The following HNRNPH1 variants were observed in gnomAD, a reference collection of about 807,000 sequenced individuals.
HNRNPH1 encodes heterogeneous nuclear ribonucleoprotein H1.
In HNRNPH1, 4 loss-of-function variants were observed where a neutral mutation model predicts 58.6. That is an observed-to-expected ratio of 0.07 (90% CI 0.03 to 0.16). HNRNPH1 has a LOEUF of 0.16. Among genes scored for constraint, HNRNPH1 ranks in the 10% least tolerant of loss-of-function variants. The pLI is 1.00. For missense variants in HNRNPH1, 271 were observed against 564.2 expected (o/e 0.48, Z 5.26); for synonymous variants, 192 against 189.2 (o/e 1.01, Z -0.12).
In HNRNPH1 at chr5:179,618,003, T is replaced by A. The variant is rs1260810609; in HGVS notation, c.773A>T (p.Asp258Val). The change falls in exon 6 of 13, where the codon GAT becomes GTT. Residue 258 changes from aspartate (D) to valine (V), a missense_variant. Physicochemically the swap from Asp to Val is radical, Grantham distance 152 (BLOSUM62 -3). Coordinates refer to ENST00000356731, the Ensembl canonical transcript of HNRNPH1. ...TCTTACCTTACCTCTTCCAAATCTA[T>A]CTGACCCAAATCCATAGCCATCATT... 1 of 1,614,200 alleles carries A rather than the reference T, an allele frequency of 6.2e-7. No homozygotes were observed. The highest frequency in any genetic ancestry group is 1.7e-5 in the Admixed American group (1 of 60,024).
At chr5:179,617,301 T>C in intron 8 of HNRNPH1, 191 bp from the exon 10 acceptor site, 2 of 733,686 alleles carry the variant, frequency 2.7e-6, no homozygotes, top group Non-Finnish European at 4.5e-6. Context: ...GTATTGTCAA[T>C]TAAGGATATA....
chr5:179,623,293 A>C (rs1773629397), exon 1 of HNRNPH1: 3 of 480,028 alleles, frequency 6.2e-6, no homozygotes, highest in South Asian at 6.1e-5. Flanking sequence ...CGGCGACTCC[A>C]ACACCTCCTC....
upstream of HNRNPH1, among the ~76,000 whole-genome samples, chr5:179,628,317 G>C (rs1774549732): frequency 6.6e-6 from 1 of 152,074 alleles, no homozygotes; most frequent in Non-Finnish European, 1.5e-5. Flanking sequence ...AGATAGGAAT[G>C]TGTTTTATTT....
At chr5:179,621,889 A>G in intron 1 of HNRNPH1, 1 of 454,812 alleles carries the variant, frequency 2.2e-6, no homozygotes, top group Non-Finnish European at 4.4e-6. Context: ...CAAGTTGCAC[A>G]GCTGAAGCCA....
At position 179,618,130 on chromosome 5, in the gene HNRNPH1, C is replaced by T. The variant is rs1364730092; in HGVS notation, c.715+15G>A. On this transcript the variant is annotated intron_variant, in intron 5 of 12. Coordinates refer to ENST00000356731, the Ensembl canonical transcript of HNRNPH1. Reference sequence around the variant, plus strand: ...GGAACAGACGACTTGCCGAACCTTACGAATCCTCACGTACCTCCACCATAA... The same window carrying T: ...GGAACAGACGACTTGCCGAACCTTATGAATCCTCACGTACCTCCACCATAA... 5.0e-6 allele frequency: 8 copies of T among 1,613,248 alleles called. No homozygotes were observed. Among genetic ancestry groups the T allele is most frequent in the African/African-American group, 4.0e-5 (3 of 74,868 alleles).
At chr5:179,617,277 T>A in intron 8 of HNRNPH1, 167 bp from the exon 10 acceptor site, 1 of 755,094 alleles carries the variant, frequency 1.3e-6, no homozygotes, top group Admixed American at 2.8e-5. Context: ...AATCTAGCCT[T>A]TACATATTCA....
At chr5:179,622,214 T>C (rs1164712604) in intron 1 of HNRNPH1, among the ~76,000 whole-genome samples, 1 of 152,234 alleles carries the variant, frequency 6.6e-6, no homozygotes, top group Non-Finnish European at 1.5e-5. Context: ...TCTTCAATTA[T>C]CAAATCTTGA....
At chr5:179,631,928 A>C (rs1774859024) in intron 2 of HNRNPH1, among the ~76,000 whole-genome samples, 1 of 151,686 alleles carries the variant, frequency 6.6e-6, no homozygotes, top group African/African-American at 2.4e-5. Flanking sequence ...AAAACAAACA[A>C]ACTTTAAATT....
upstream of HNRNPH1, among the ~76,000 whole-genome samples, chr5:179,627,107 T>A (rs145565793): frequency 6.6e-6 from 1 of 152,204 alleles, no homozygotes; most frequent in African/African-American, 2.4e-5. Context: ...TCTTACAGTT[T>A]ACAGAGCTCT....
intron 2 of HNRNPH1, among the ~76,000 whole-genome samples, chr5:179,631,269 G>C (rs1476441966): frequency 2.6e-5 from 4 of 151,916 alleles, no homozygotes; most frequent in Non-Finnish European, 5.9e-5. Flanking sequence ...TAGGAAAAAA[G>C]ATCTAGAAAG....
rs777741171 is a variant in HNRNPH1 at position 179,617,132 on chromosome 5, T to C, written c.1058-22A>G. The C allele has an allele frequency of 3.7e-6, 6 of 1,606,942 alleles. 1 individual carries two copies. Among genetic ancestry groups the C allele is most frequent in the South Asian group, 2.2e-5 (2 of 89,970 alleles). ...TGTTCTGAAATGAGAAAAAAAAAGT[T>C]TGAAAATGTTTGTTGGTGAAACAAA... On this transcript the variant is annotated intron_variant, in intron 8 of 12. Transcript: ENST00000356731.
At chr5:179,620,893 T>G (rs557426153) in exon 3 of HNRNPH1, 9 of 1,613,984 alleles carry the variant, frequency 5.6e-6, no homozygotes, top group Non-Finnish European at 7.6e-6. Flanking sequence ...ACTACATACC[T>G]GAGAAGAACT....
At chr5:179,616,337 T>C (rs542047300) in intron 10 of HNRNPH1, 119 bp from the exon 12 acceptor site, 377 of 763,712 alleles carry the variant, frequency 4.9e-4, no homozygotes, top group Admixed American at 9.6e-4. Flanking sequence ...ACTGTAACCC[T>C]CTGCCTCCTT....
exon 1 of HNRNPH1, chr5:179,623,360 C>G (rs968130729): frequency 2.8e-6 from 1 of 359,726 alleles, no homozygotes; most frequent in African/African-American, 2.1e-5. Flanking sequence ...CGCCCCGAAC[C>G]GTGGGGGCCC....
upstream of HNRNPH1, chr5:179,624,750 A>G: frequency 2.5e-6 from 1 of 396,660 alleles, no homozygotes; most frequent in Non-Finnish European, 4.4e-6. Context: ...GCTTTAGTGG[A>G]CACAGACAAT....
In HNRNPH1 at chr5:179,623,169, A is replaced by T; in HGVS notation, c.-36T>A. 6.7e-7 allele frequency: 1 copy of T among 1,500,398 alleles called. No individual in the cohort carries two copies. Among genetic ancestry groups the T allele is most frequent in the Non-Finnish European group, 9.2e-7 (1 of 1,082,170 alleles). The allele number at this position is 1,500,398 out of a possible 1,614,324, so 92.9% of individuals were successfully genotyped here. ...GCGGTCCGGCGTCGAAACAAACTGC[A>T]AAGCGGGGAGGACCAGAACTGAGAG... On this transcript the variant is annotated 5_prime_UTR_variant, in exon 1 of 13. Transcript: ENST00000356731.
chr5:179,615,699 A>T (rs1188611876), intron 11 of HNRNPH1, 104 bp from the exon 13 acceptor site: 3 of 618,236 alleles, frequency 4.9e-6, no homozygotes, highest in Non-Finnish European at 8.7e-6. Context: ...ACTGACTAAT[A>T]AATACGATCC....
intron 2 of HNRNPH1, among the ~76,000 whole-genome samples, chr5:179,631,979 C>A (rs943015149): frequency 1.4e-4 from 22 of 152,094 alleles, no homozygotes; most frequent in Admixed American, 9.2e-4. Flanking sequence ...GGGACCTGCT[C>A]GGGTGGTACA....
At chr5:179,621,285 G>A (rs1397871283) in exon 2 of HNRNPH1, 3 of 1,613,408 alleles carry the variant, frequency 1.9e-6, no homozygotes, top group East Asian at 2.2e-5. Flanking sequence ...CTTTTTTCAG[G>A]GCCAATTTGA....
Sources: gnomAD v4.1 joint callset for allele counts (sites outside exome capture counted in the v4.1 genomes callset) on GRCh38, gnomAD v4.1.1 for gene constraint, MANE v1.5 for transcripts, NCBI Gene and HGNC (gene_info 2026-07-23, HGNC 2026-07-21) for gene names.